Variants in ASCC3 observed in about 807,000 individuals in gnomAD.
The protein encoded by ASCC3 is activating signal cointegrator 1 complex subunit 3, also known as ASC-1 complex subunit P200.
Under a neutral mutation model 256.3 loss-of-function variants are expected in ASCC3, and 158 were observed. The observed-to-expected ratio is 0.62, with a 90% CI of 0.54 to 0.70. The LOEUF (loss-of-function observed/expected upper bound fraction) is 0.70. Among genes scored for constraint, ASCC3 ranks in the 30% least tolerant of loss-of-function variants. The pLI, the probability that ASCC3 is intolerant of heterozygous loss-of-function variation, is 0.00. For synonymous variants in ASCC3, 948 were observed against 883.4 expected, an observed-to-expected ratio of 1.07 and a Z score of -1.30; for missense variants, 2,259 against 2,626.0, an observed-to-expected ratio of 0.86 and a Z score of 3.05.
At chr6:100,545,398 G>A (rs1386875745) in intron 36 of ASCC3, among the ~76,000 whole-genome samples, 1 of 152,090 alleles carries the variant, frequency 6.6e-6, no homozygotes. Flanking sequence ...GGATGGTCTC[G>A]ATCTCTTGAC....
chr6:100,840,947 A>G (rs1185443174), intron 4 of ASCC3, among the ~76,000 whole-genome samples: 11 of 152,112 alleles, frequency 7.2e-5, no homozygotes, highest in African/African-American at 2.7e-4. Context: ...TGAAAAAAAA[A>G]GAGAAAAAAT....
At chr6:100,532,372 ATG>A (rs1167560882) in intron 37 of ASCC3, among the ~76,000 whole-genome samples, 2 of 68,714 alleles carry the variant, frequency 2.9e-5, no homozygotes, top group African/African-American at 1.1e-4. Flanking sequence ...GTGTGTGTGT[ATG>A]TGTGTATATA....
At chr6:100,662,193 A>G in intron 15 of ASCC3, 152 bp downstream of exon 15, 1 of 1,081,126 alleles carries the variant, frequency 9.2e-7, no homozygotes, top group Middle Eastern at 2.1e-4. Flanking sequence ...TATAAACTAG[A>G]TTCTTATTGG....
intron 10 of ASCC3, among the ~76,000 whole-genome samples, chr6:100,745,096 A>G (rs1014702195): frequency 2.6e-5 from 4 of 152,210 alleles, no homozygotes; most frequent in Non-Finnish European, 4.4e-5. Flanking sequence ...TGGGAGGCCG[A>G]GGCAGGCGGA....
chr6:100,690,545 G>A (rs549917672), intron 13 of ASCC3, among the ~76,000 whole-genome samples: 79 of 152,010 alleles, frequency 5.2e-4, no homozygotes, highest in Non-Finnish European at 9.4e-4. Context: ...GTATCAATTC[G>A]CATTTAACAA....
chr6:100,733,992 G>C (rs889522492), intron 10 of ASCC3, among the ~76,000 whole-genome samples: 3 of 152,154 alleles, frequency 2.0e-5, no homozygotes, highest in Admixed American at 2.0e-4. Flanking sequence ...TCTTATGATA[G>C]TTCTTGTAGG....
chr6:100,703,915 T>C (rs898959077), intron 13 of ASCC3, among the ~76,000 whole-genome samples: 3 of 151,712 alleles, frequency 2.0e-5, no homozygotes, highest in Non-Finnish European at 4.4e-5. Context: ...TCAACTATTG[T>C]TTTTATATAT....
intron 4 of ASCC3, among the ~76,000 whole-genome samples, chr6:100,809,039 A>G (rs1374983466): frequency 1.3e-5 from 2 of 151,988 alleles, no homozygotes; most frequent in East Asian, 1.9e-4. Context: ...CTATGAACGG[A>G]GCCTGCAGGA....
intron 4 of ASCC3, among the ~76,000 whole-genome samples, chr6:100,829,874 T>TG (rs1771536106): frequency 1.3e-5 from 2 of 152,076 alleles, no homozygotes; most frequent in South Asian, 4.1e-4. Flanking sequence ...CTCTTGGCTT[T>TG]GGGGGGCATT....
chr6:100,687,028 T>TCACACACACACACACA (rs1201705191), intron 13 of ASCC3, among the ~76,000 whole-genome samples: 176 of 89,208 alleles, frequency 2.0e-3, no homozygotes, highest in Middle Eastern at 8.9e-3. Flanking sequence ...TCTCTCTCTC[T>TCACACACACACACACA]CTCTCTCACA....
At chr6:100,724,287 A>T (rs944247701) in intron 11 of ASCC3, among the ~76,000 whole-genome samples, 3 of 131,272 alleles carry the variant, frequency 2.3e-5, no homozygotes, top group Non-Finnish European at 5.0e-5. Context: ...ATCAAAAGTT[A>T]AAAAAAAAAC....
intron 34 of ASCC3, among the ~76,000 whole-genome samples, chr6:100,593,808 A>T (rs1475829942): frequency 6.6e-6 from 1 of 152,112 alleles, no homozygotes; most frequent in South Asian, 2.1e-4. Flanking sequence ...AGATATATTT[A>T]AAAGCTTTCT....
chr6:100,829,496 G>A (rs921161971), intron 4 of ASCC3, among the ~76,000 whole-genome samples: 5 of 151,720 alleles, frequency 3.3e-5, no homozygotes, highest in Admixed American at 6.6e-5. Context: ...GGGGCCCACC[G>A]AGCCCACGCT....
intron 17 of ASCC3, among the ~76,000 whole-genome samples, chr6:100,655,024 C>A (rs1230946893): frequency 6.6e-6 from 1 of 151,834 alleles, no homozygotes; most frequent in Non-Finnish European, 1.5e-5. Flanking sequence ...TCCATATGAT[C>A]ATTGTAGAAT....
chr6:100,808,169 A>G (rs1042936139), intron 4 of ASCC3, among the ~76,000 whole-genome samples: 6 of 151,938 alleles, frequency 3.9e-5, no homozygotes, highest in African/African-American at 1.4e-4. Context: ...ATATTAATGA[A>G]TGAATTCTTT....
Position 100,800,240 on chromosome 6 carries a change from A to G in ASCC3, c.1127+60T>C. 5 of 1,538,574 alleles carry G rather than the reference A, an allele frequency of 3.2e-6. No individual in the cohort carries two copies. The South Asian group carries it at 4.5e-5, about 14-fold the overall frequency. On this transcript the variant is annotated intron_variant, in intron 6 of 41. Transcript: ENST00000369162. ...TGCTAAGACTAAACTAAAAAGTGATAATGATATGTAAAAGCAGCAATTACA... is the reference window on the plus strand; with the variant it reads ...TGCTAAGACTAAACTAAAAAGTGATGATGATATGTAAAAGCAGCAATTACA...
rs1773064431 is a variant in ASCC3 at position 100,858,421 on chromosome 6, T to G, written c.241+5643A>C. Reference sequence around the variant, plus strand: ...CGTACCTCAGGGAAGCTTCTAACTTTGTAGCATTAAGTATGTTTTCTCCAA... The same window carrying G: ...CGTACCTCAGGGAAGCTTCTAACTTGGTAGCATTAAGTATGTTTTCTCCAA... On this transcript the variant is annotated intron_variant, in intron 3 of 41. Coordinates refer to ENST00000369162, the MANE Select transcript of ASCC3 (RefSeq NM_006828.4). 4 of 331,980 alleles carry G rather than the reference T, an allele frequency of 1.2e-5. No individual in the cohort carries two copies. The South Asian group carries it at 4.9e-4, about 40-fold the overall frequency. The allele number at this position is 331,980 out of a possible 1,614,324, so 20.6% of individuals were successfully genotyped here. A position where few individuals can be genotyped will look rare whatever the true frequency, so the allele number is the denominator to read the frequency against.
intron 37 of ASCC3, among the ~76,000 whole-genome samples, chr6:100,521,027 T>G (rs886641282): frequency 6.6e-6 from 1 of 152,136 alleles, no homozygotes; most frequent in Non-Finnish European, 1.5e-5. Context: ...CCCAGCACAG[T>G]GCACTCAAGA....
At chr6:100,717,525 A>G (rs1384934288) in intron 12 of ASCC3, among the ~76,000 whole-genome samples, 1 of 151,954 alleles carries the variant, frequency 6.6e-6, no homozygotes, top group Non-Finnish European at 1.5e-5. Context: ...TATAGGTAGT[A>G]CTAATTTTAA....
Sources: allele counts gnomAD v4.1 joint callset (sites outside exome capture counted in the v4.1 genomes callset), GRCh38; gene constraint gnomAD v4.1.1; transcripts MANE v1.5; gene names NCBI Gene and HGNC (gene_info 2026-07-23, HGNC 2026-07-21).